Variants in CHM observed in about 807,000 individuals in gnomAD.
The protein encoded by CHM is CHM Rab escort protein, also known as rab proteins geranylgeranyltransferase component A 1.
Under a neutral mutation model 49.0 loss-of-function variants are expected in CHM, and 10 were observed. That is an observed-to-expected ratio of 0.20 (90% CI 0.13 to 0.35). The LOEUF (loss-of-function observed/expected upper bound fraction) is 0.35. Among genes scored for constraint, CHM ranks in the 10% least tolerant of loss-of-function variants. The pLI is 1.00. For synonymous variants in CHM, 184 were observed against 167.5 expected (o/e 1.10, Z -0.76); for missense variants, 455 against 478.4 (o/e 0.95, Z 0.46).
chrX:85,881,422 A>C (rs948505241), intron 12 of CHM, among the ~76,000 whole-genome samples: 1 of 112,516 alleles, frequency 8.9e-6, no homozygotes. Context: ...CATGTGTTAG[A>C]CACTATTTTA....
In CHM at chrX:85,873,254, T is replaced by C. The variant is rs201050693; in HGVS notation, c.1610-42A>G. The C allele has an allele frequency of 1.3e-4, 127 of 982,880 alleles. 1 individual carries two copies. The East Asian group carries it at 2.8e-3, about 22-fold the overall frequency. The allele number at this position is 982,880 out of a possible 1,213,427, so 81.0% of individuals were successfully genotyped here. On this transcript the variant is annotated intron_variant, in intron 13 of 14. Transcript: ENST00000357749. The stretch of plus-strand genomic sequence containing the variant: ...ATTTTATTTACATTCTAAAATACAA[T>C]ATGTTTGTCAATTACTACACTGTGT...
intron 2 of CHM, among the ~76,000 whole-genome samples, chrX:86,019,875 T>C (rs183759870): frequency 3.8e-4 from 42 of 111,269 alleles, no homozygotes; most frequent in African/African-American, 1.3e-3. Flanking sequence ...AGTAGTCCAA[T>C]GGCAATGACG....
At chrX:85,958,721 A>G in intron 6 of CHM, 140 bp downstream of exon 6, 8 of 989,087 alleles carry the variant, frequency 8.1e-6, no homozygotes, top group Non-Finnish European at 1.1e-5. Flanking sequence ...TTAATTAAGC[A>G]TTTACATTTG....
intron 8 of CHM, among the ~76,000 whole-genome samples, chrX:85,939,833 C>G (rs201649335): frequency 8.9e-6 from 1 of 112,189 alleles, no homozygotes; most frequent in East Asian, 2.8e-4. Flanking sequence ...GCCAACACAT[C>G]TAAAACTGTC....
At chrX:85,949,999 A>ATATATATATATG (rs1929652341) in intron 8 of CHM, among the ~76,000 whole-genome samples, 1 of 86,973 alleles carries the variant, frequency 1.1e-5, no homozygotes, top group African/African-American at 4.2e-5. Context: ...ATATATATAT[A>ATATATATATATG]TATATATATA....
At chrX:85,941,632 G>T (rs1356228669) in intron 8 of CHM, among the ~76,000 whole-genome samples, 1 of 111,205 alleles carries the variant, frequency 9.0e-6, no homozygotes, top group Non-Finnish European at 1.9e-5. Context: ...CCTATTTTTA[G>T]AAATAAATTT....
intron 8 of CHM, among the ~76,000 whole-genome samples, chrX:85,953,915 G>C (rs922527435): frequency 9.0e-6 from 1 of 111,575 alleles, no homozygotes; most frequent in African/African-American, 3.3e-5. Flanking sequence ...AGCAAAAATG[G>C]ACAAACGGGA....
At chrX:86,013,033 T>G (rs1933140950) in intron 2 of CHM, among the ~76,000 whole-genome samples, 1 of 111,553 alleles carries the variant, frequency 9.0e-6, no homozygotes, top group African/African-American at 3.3e-5. Context: ...CTTTGAGTGG[T>G]GCCTTTGCTT....
intron 7 of CHM, 66 bp from the exon 8 acceptor site, chrX:85,956,444 AAAAGGAGATGAAGTGTGTTTCACAG>A (rs1313318570): frequency 2.6e-6 from 3 of 1,150,508 alleles, no homozygotes; most frequent in African/African-American, 1.8e-5. Flanking sequence ...CCACCCCACA[AAAAGGAGATGAAGTGTGTTTCACAG>A]ACCTCACAAA....
intron 2 of CHM, among the ~76,000 whole-genome samples, chrX:85,992,452 C>G (rs903612904): frequency 2.7e-5 from 3 of 111,914 alleles, no homozygotes; most frequent in Admixed American, 9.5e-5. Flanking sequence ...TTAAAAGAGG[C>G]TCTATTTCAT....
intron 12 of CHM, among the ~76,000 whole-genome samples, chrX:85,884,560 C>G (rs1924972487): frequency 1.8e-5 from 2 of 111,079 alleles, no homozygotes. Context: ...AAATGTACCT[C>G]CCTTGTTTAT....
At position 85,987,863 on chromosome X, in the gene CHM, G is replaced by T. The variant is rs760969468; in HGVS notation, c.117-6054C>A. On this transcript the variant is annotated intron_variant, in intron 2 of 14. Transcript: ENST00000357749. ...AATAACAAGCTTTGAAATGGAATCA[G>T]AAATAAATAGCCTATCAACCAAAAA... is the stretch of plus-strand genomic sequence containing the variant. Among the ~76,000 whole-genome samples the T allele has an allele frequency of 2.7e-5, 3 of 111,733 alleles. No individual in the cohort carries two copies. The South Asian group carries it at 1.1e-3, about 42-fold the overall frequency.
chrX:85,932,778 C>T lies in CHM; in HGVS notation c.1167-21440G>A, dbSNP rs764353018. Among the ~76,000 whole-genome samples the T allele has an allele frequency of 2.2e-4, 25 of 111,857 alleles. No individual in the cohort carries two copies. The East Asian group carries it at 7.0e-3, about 31-fold the overall frequency. ...GGAAAGAAGTACATCATAGCATACACTACTGCCCCACCACAATGCATGGAA... is the reference window on the plus strand; with the variant it reads ...GGAAAGAAGTACATCATAGCATACATTACTGCCCCACCACAATGCATGGAA... On this transcript the variant is annotated intron_variant, in intron 8 of 14. Coordinates refer to ENST00000357749, the MANE Select transcript of CHM (RefSeq NM_000390.4).
chrX:85,909,071 C>T (rs1045785619), intron 9 of CHM, among the ~76,000 whole-genome samples: 11 of 111,411 alleles, frequency 9.9e-5, no homozygotes, highest in African/African-American at 3.6e-4. Flanking sequence ...ATAAAGGATC[C>T]GGTCCAGAGG....
chrX:85,992,991 A>G (rs184448270), intron 2 of CHM, among the ~76,000 whole-genome samples: 66 of 111,790 alleles, frequency 5.9e-4, no homozygotes, highest in African/African-American at 2.0e-3. Flanking sequence ...ATAATACACA[A>G]AGGTTGCCCT....
At chrX:86,029,495 G>A (rs1485924177) in intron 1 of CHM, among the ~76,000 whole-genome samples, 1 of 111,478 alleles carries the variant, frequency 9.0e-6, no homozygotes, top group Non-Finnish European at 1.9e-5. Flanking sequence ...TATTAGTATA[G>A]GGTTTTATCC....
At chrX:85,865,225 G>A (rs191764565) in intron 14 of CHM, among the ~76,000 whole-genome samples, 196 of 111,613 alleles carry the variant, frequency 1.8e-3, no homozygotes, top group African/African-American at 6.1e-3. Flanking sequence ...TTATCCCCAC[G>A]TGTTAGGGGG....
rs1162236556 is a variant in CHM, at chrX:85,901,542, T to C, written c.1245-354A>G. 9.9e-5 allele frequency among the ~76,000 whole-genome samples: 11 copies of C among 111,422 alleles called. No individual in the cohort carries two copies. The Admixed American group carries it at 1.1e-3, about 11-fold the overall frequency. ...CCTTTGTTTAGAAAACAGGCTTTTT[T>C]TTCCCCCCTTCACAGCTCTAAGAAA... On this transcript the variant is annotated intron_variant, in intron 9 of 14. Coordinates refer to ENST00000357749, the MANE Select transcript of CHM (RefSeq NM_000390.4).
chrX:85,969,348 CTT>C, intron 4 of CHM: 1 of 741,494 alleles, frequency 1.3e-6, no homozygotes, highest in Non-Finnish European at 1.6e-6. Context: ...CTAAGAATAA[CTT>C]GAGTTTGTGT....
Sources: allele counts gnomAD v4.1 joint callset (sites outside exome capture counted in the v4.1 genomes callset), GRCh38; gene constraint gnomAD v4.1.1; transcripts MANE v1.5; gene names NCBI Gene and HGNC (gene_info 2026-07-23, HGNC 2026-07-21).